LIPJ: variants seen among roughly 807,000 people sequenced by gnomAD.
LIPJ encodes the protein lipase family member J.
In LIPJ, 33 loss-of-function variants were observed where a neutral mutation model predicts 39.8. The ratio of observed to expected loss-of-function variants is 0.83; its 90% CI spans 0.63 to 1.11. The LOEUF is 1.11. Among genes scored for constraint, LIPJ ranks in the 50% least tolerant of loss-of-function variants. LIPJ has a pLI of 0.00. For missense variants in LIPJ, 422 were observed against 427.9 expected (o/e 0.99, Z 0.12); for synonymous variants, 128 against 139.2 (o/e 0.92, Z 0.57).
chr10:88,622,198 A>G, the LIPJ span, among the ~76,000 whole-genome samples: 4 of 152,202 alleles, frequency 2.6e-5, no homozygotes, highest in Non-Finnish European at 4.4e-5. Flanking sequence ...GGACTACAAA[A>G]ACTGGACTTT....
intron 9 of LIPJ, among the ~76,000 whole-genome samples, chr10:88,604,116 A>T (rs189908951): frequency 6.6e-6 from 1 of 152,334 alleles, no homozygotes; most frequent in Admixed American, 6.5e-5. Flanking sequence ...AGGGAATAGA[A>T]CTATGGAGAA....
upstream of LIPJ, chr10:88,583,268 A>C: frequency 6.3e-7 from 1 of 1,578,666 alleles, no homozygotes; most frequent in South Asian, 1.2e-5. Context: ...AGGCGGCCGA[A>C]CCGGCGCTAG....
chr10:88,583,297 T>C, upstream of LIPJ: 1 of 1,509,798 alleles, frequency 6.6e-7, no homozygotes, highest in Non-Finnish European at 8.8e-7. Flanking sequence ...GGTTCCGTGC[T>C]CCCTGGGCCG....
exon 6 of LIPJ, chr10:88,594,692 C>T (rs765595002): frequency 6.5e-7 from 1 of 1,548,294 alleles, no homozygotes; most frequent in Non-Finnish European, 8.7e-7. Context: ...AAAATATGAC[C>T]TTCCAGCCTC....
chr10:88,606,733 T>C (rs375469960), exon 11 of LIPJ: 56 of 1,613,472 alleles, frequency 3.5e-5, no homozygotes, highest in Middle Eastern at 1.6e-4. Context: ...TTTGGAATGG[T>C]AAAAGTGACT....
chr10:88,595,037 ATGTTAT>A (rs769176628), intron 6 of LIPJ, among the ~76,000 whole-genome samples: 17 of 151,790 alleles, frequency 1.1e-4, no homozygotes, highest in Non-Finnish European at 2.1e-4. Context: ...TTGGATATCT[ATGTTAT>A]TTAAGATCAA....
At chr10:88,606,232 G>A (rs1375599197) in intron 10 of LIPJ, among the ~76,000 whole-genome samples, 7 of 152,120 alleles carry the variant, frequency 4.6e-5, no homozygotes, top group Admixed American at 4.6e-4. Flanking sequence ...CTAAACGCCA[G>A]GCTGATGTGA....
chr10:88,589,387 T>C (rs1036247689), intron 2 of LIPJ, among the ~76,000 whole-genome samples: 1 of 151,900 alleles, frequency 6.6e-6, no homozygotes, highest in Non-Finnish European at 1.5e-5. Context: ...AGTTTTTCCA[T>C]GTGCAGTTAA....
rs759642388 is a variant in LIPJ at position 88,596,776 on chromosome 10, A to G, written c.577-14A>G. On this transcript the variant is annotated splice_polypyrimidine_tract_variant and intron_variant, in intron 7 of 10. Transcript: ENST00000371939. ...TGGTCATCCAAATGTGGATAAAATA[A>G]ATTTATTTTACAGGCTTTTTCAGGC... is the stretch of plus-strand genomic sequence containing the variant. 4.4e-6 allele frequency: 7 copies of G among 1,591,984 alleles called. No homozygotes were observed. In the African/African-American group the frequency reaches 9.5e-5, roughly 22 times the overall value.
At position 88,599,779 on chromosome 10, in the gene LIPJ, T is replaced by C. The variant is rs950917214; in HGVS notation, c.724-2797T>C. On this transcript the variant is annotated intron_variant, in intron 8 of 10. Transcript: ENST00000371939. ...TGGTTTTTTTTGTTCTTATTGTTCC[T>C]CAAAGATATTTTAAAGCTTGTCTTT... Among the ~76,000 whole-genome samples, 4 of 151,834 alleles carry C rather than the reference T, an allele frequency of 2.6e-5. No homozygotes were observed. The East Asian group carries it at 7.7e-4, about 29-fold the overall frequency.
chr10:88,604,135 A>G (rs1851586196), intron 9 of LIPJ, among the ~76,000 whole-genome samples: 2 of 152,214 alleles, frequency 1.3e-5, no homozygotes, highest in African/African-American at 4.8e-5. Flanking sequence ...AAATTGGGGT[A>G]AAAGAGTAGG....
At chr10:88,606,844 T>G in exon 11 of LIPJ, 1 of 1,605,260 alleles carries the variant, frequency 6.2e-7, no homozygotes, top group Non-Finnish European at 8.5e-7. Context: ...ACTCTTTGTT[T>G]GGATTAGATG....
chr10:88,596,846 T>C (rs1464576578), exon 8 of LIPJ: 1 of 1,601,074 alleles, frequency 6.2e-7, no homozygotes, highest in Non-Finnish European at 8.5e-7. Context: ...AATTCATTGG[T>C]TCAAAGCTGT....
chr10:88,591,480 G>T, exon 4 of LIPJ: 1 of 1,598,070 alleles, frequency 6.3e-7, no homozygotes, highest in South Asian at 1.1e-5. Context: ...TTGGAGGACA[G>T]ACAATAATAA....
At chr10:88,587,791 T>C (rs1001601973) in intron 2 of LIPJ, among the ~76,000 whole-genome samples, 6 of 152,024 alleles carry the variant, frequency 3.9e-5, no homozygotes, top group Non-Finnish European at 1.5e-5. Flanking sequence ...GTAACTCAAA[T>C]TGAAGTAATA....
At position 88,605,613 on chromosome 10, in the gene LIPJ, A is replaced by AT. The variant is rs535179759; in HGVS notation, c.796-14dup. ...TGTAATGAACAAATGATATGGTCTT[A>AT]TTTTTTGTTTCTCTTTCAGCTTTTA... On this transcript the variant is annotated intron_variant, in intron 9 of 10. Transcript: ENST00000371939. 2.6e-4 allele frequency: 408 copies of AT among 1,572,930 alleles called. 4 individuals are homozygous for AT. The South Asian group carries it at 4.4e-3, about 17-fold the overall frequency.
At chr10:88,590,763 T>G in intron 3 of LIPJ, 67 bp downstream of exon 3, 1 of 1,222,394 alleles carries the variant, frequency 8.2e-7, no homozygotes, top group Non-Finnish European at 1.2e-6. Flanking sequence ...AAATTTGGAA[T>G]TTTAACTTAA....
chr10:88,613,591 T>A, the LIPJ span, among the ~76,000 whole-genome samples: 1 of 151,748 alleles, frequency 6.6e-6, no homozygotes, highest in African/African-American at 2.4e-5. Context: ...AATCAACTGA[T>A]GAATCTCTAA....
At chr10:88,603,756 T>C (rs1169131781) in intron 9 of LIPJ, among the ~76,000 whole-genome samples, 1 of 152,224 alleles carries the variant, frequency 6.6e-6, no homozygotes, top group Non-Finnish European at 1.5e-5. Context: ...TTTAAAGTAT[T>C]GTTAAGATAT....
Sources: gnomAD v4.1 joint callset for allele counts (sites outside exome capture counted in the v4.1 genomes callset) on GRCh38, gnomAD v4.1.1 for gene constraint, MANE v1.5 for transcripts, NCBI Gene and HGNC (gene_info 2026-07-23, HGNC 2026-07-21) for gene names.